KPNA3: variants seen among roughly 807,000 people sequenced by gnomAD.
KPNA3 encodes the protein importin subunit alpha-4.
A neutral mutation model predicts 73.8 loss-of-function variants in KPNA3; 13 were observed. The observed-to-expected ratio is 0.18, with a 90% CI of 0.11 to 0.28. The LOEUF is 0.28. Among genes scored for constraint, KPNA3 ranks in the 10% least tolerant of loss-of-function variants. The pLI, the probability that KPNA3 is intolerant of heterozygous loss-of-function variation, is 1.00. For synonymous variants in KPNA3, 186 were observed against 206.9 expected (o/e 0.90, Z 0.87); for missense variants, 360 against 618.1 (o/e 0.58, Z 4.43).
intron 1 of KPNA3, among the ~76,000 whole-genome samples, chr13:49,752,154 C>T (rs994115832): frequency 6.6e-6 from 1 of 152,160 alleles, no homozygotes; most frequent in Non-Finnish European, 1.5e-5. Flanking sequence ...ATCTTTTGCA[C>T]ACATCAACAT....
At chr13:49,780,949 G>A (rs1954936283) in intron 1 of KPNA3, among the ~76,000 whole-genome samples, 1 of 152,014 alleles carries the variant, frequency 6.6e-6, no homozygotes, top group Non-Finnish European at 1.5e-5. Flanking sequence ...TCAAACTCCT[G>A]ACCTCAGGTG....
At chr13:49,762,003 C>T (rs1954767618) in intron 1 of KPNA3, among the ~76,000 whole-genome samples, 1 of 152,078 alleles carries the variant, frequency 6.6e-6, no homozygotes, top group African/African-American at 2.4e-5. Context: ...CTCCGCCCAG[C>T]AGCCGCCCCG....
At chr13:49,765,385 C>CT (rs1318475663) in intron 1 of KPNA3, among the ~76,000 whole-genome samples, 1 of 152,150 alleles carries the variant, frequency 6.6e-6, no homozygotes, top group African/African-American at 2.4e-5. Flanking sequence ...GAACCATTAC[C>CT]TTTTTTGTCA....
At chr13:49,785,501 A>G (rs901299826) in intron 1 of KPNA3, among the ~76,000 whole-genome samples, 9 of 152,226 alleles carry the variant, frequency 5.9e-5, no homozygotes, top group Non-Finnish European at 1.0e-4. Context: ...GAGAAGCTAA[A>G]AAGATGCTCA....
intron 6 of KPNA3, among the ~76,000 whole-genome samples, chr13:49,731,086 ATTTT>A (rs1409316370): frequency 7.2e-6 from 1 of 139,020 alleles, no homozygotes; most frequent in African/African-American, 2.7e-5. Context: ...AGCCGAATTT[ATTTT>A]TTGAGTCAGG....
chr13:49,743,351 A>C (rs568593960), intron 2 of KPNA3, among the ~76,000 whole-genome samples: 1 of 152,098 alleles, frequency 6.6e-6, no homozygotes, highest in Non-Finnish European at 1.5e-5. Flanking sequence ...CTTCTCTTGA[A>C]GAGCTCTCCA....
chr13:49,715,034 A>T (rs56228130), intron 10 of KPNA3, among the ~76,000 whole-genome samples: 16,646 of 152,016 alleles, frequency 0.11, 1,146 homozygotes, highest in South Asian at 0.26. Flanking sequence ...AGGAGAAAAT[A>T]ATAGAATTTT....
In KPNA3 at chr13:49,725,418, G is replaced by A. The variant is rs567901349; in HGVS notation, c.467C>T (p.Ser156Phe). Residue 156 changes from serine to phenylalanine, a missense_variant and splice_region_variant, in exon 7 of 17, where the codon TCT (serine) becomes TTT (phenylalanine). By Grantham distance (155) the Ser-to-Phe change is radical. Transcript: ENST00000261667. The part of the protein sequence containing the change: ...TSAQTQAVVQ[S>F]NAVPLFLRLL... ...CAGACAGTAAGGAATTTACTTACTA[G>A]ACTGCACAACAGCTTGAGTCTGTGC... 1 of 1,597,130 alleles carries A rather than the reference G, an allele frequency of 6.3e-7. No individual in the cohort carries two copies. The highest frequency in any genetic ancestry group is 8.6e-7 in the Non-Finnish European group (1 of 1,167,872).
At chr13:49,728,812 C>T (rs1172158271) in intron 6 of KPNA3, among the ~76,000 whole-genome samples, 8 of 152,178 alleles carry the variant, frequency 5.3e-5, no homozygotes, top group East Asian at 3.9e-4. Context: ...AGTCTTTCTC[C>T]ACCACAATGT....
chr13:49,705,581 C>T, intron 15 of KPNA3, 40 bp downstream of exon 15: 1 of 1,584,406 alleles, frequency 6.3e-7, no homozygotes, highest in Non-Finnish European at 8.6e-7. Context: ...TTTCAGAGTT[C>T]CAGTGCTCAA....
intron 1 of KPNA3, among the ~76,000 whole-genome samples, chr13:49,785,630 C>A (rs1171856623): frequency 6.6e-6 from 1 of 151,954 alleles, no homozygotes; most frequent in African/African-American, 2.4e-5. Context: ...ATAAAAGAAT[C>A]GTAGACAGAA....
intron 1 of KPNA3, among the ~76,000 whole-genome samples, chr13:49,765,010 C>A (rs1954797889): frequency 1.3e-5 from 2 of 152,226 alleles, no homozygotes; most frequent in South Asian, 2.1e-4. Context: ...TTCCATAACA[C>A]CACATTCCTG....
chr13:49,703,485 T>TTA (rs1382940585), intron 15 of KPNA3, among the ~76,000 whole-genome samples: 2 of 152,140 alleles, frequency 1.3e-5, no homozygotes, highest in Non-Finnish European at 2.9e-5. Flanking sequence ...CGGCCAATCT[T>TTA]ATTAATCTTA....
chr13:49,714,745 T>C (rs920434844), intron 10 of KPNA3, among the ~76,000 whole-genome samples: 6 of 152,106 alleles, frequency 3.9e-5, no homozygotes, highest in Admixed American at 3.3e-4. Flanking sequence ...TACATCATGA[T>C]TATAGCACCA....
At chr13:49,782,412 A>G (rs780585727) in intron 1 of KPNA3, among the ~76,000 whole-genome samples, 2 of 152,122 alleles carry the variant, frequency 1.3e-5, no homozygotes, top group African/African-American at 2.4e-5. Context: ...CACTTTTTCT[A>G]TACTCTTATA....
intron 6 of KPNA3, among the ~76,000 whole-genome samples, chr13:49,728,788 G>C (rs1019050869): frequency 1.3e-5 from 2 of 152,182 alleles, no homozygotes; most frequent in Non-Finnish European, 2.9e-5. Flanking sequence ...AAGCCTGAGA[G>C]AGCTTTACCA....
intron 1 of KPNA3, among the ~76,000 whole-genome samples, chr13:49,782,968 T>C (rs868512554): frequency 6.6e-6 from 1 of 151,522 alleles, no homozygotes. Context: ...CACAAGTAAA[T>C]ATGCTGACAG....
chr13:49,721,262 C>T (rs1255479333), intron 9 of KPNA3, among the ~76,000 whole-genome samples: 2 of 152,096 alleles, frequency 1.3e-5, no homozygotes, highest in Admixed American at 6.6e-5. Flanking sequence ...TTAAAGCAAA[C>T]TCATTCAAGA....
intron 1 of KPNA3, among the ~76,000 whole-genome samples, chr13:49,770,476 G>C (rs933164455): frequency 1.3e-5 from 2 of 151,906 alleles, no homozygotes; most frequent in Non-Finnish European, 2.9e-5. Flanking sequence ...CACTATGCCT[G>C]GCCACTTTTC....
Sources: allele counts gnomAD v4.1 joint callset (sites outside exome capture counted in the v4.1 genomes callset), GRCh38; gene constraint gnomAD v4.1.1; transcripts MANE v1.5; gene names NCBI Gene and HGNC (gene_info 2026-07-23, HGNC 2026-07-21).